Variants in LAMA2 observed in about 807,000 individuals in gnomAD.
The protein encoded by LAMA2 is laminin subunit alpha-2.
In LAMA2, 269 loss-of-function variants were observed where a neutral mutation model predicts 364.8. The observed-to-expected ratio is 0.74, with a 90% CI of 0.67 to 0.82. LAMA2 has a LOEUF of 0.82. Ranked by LOEUF, LAMA2 falls within the 40% of genes least tolerant of loss-of-function variation. The pLI, the probability that LAMA2 is intolerant of heterozygous loss-of-function variation, is 0.00. For synonymous variants in LAMA2, 1,379 were observed against 1,370.6 expected, an observed-to-expected ratio of 1.01 and a Z score of -0.14; for missense variants, 3,807 against 3,873.2, an observed-to-expected ratio of 0.98 and a Z score of 0.45.
intron 17 of LAMA2, among the ~76,000 whole-genome samples, chr6:129,276,490 G>A (rs776838795): frequency 3.6e-4 from 55 of 152,016 alleles, no homozygotes; most frequent in Non-Finnish European, 2.8e-4. Flanking sequence ...TTATTTTAGA[G>A]TATTGGATTA....
chr6:128,977,311 G>A (rs1298192919), intron 1 of LAMA2, among the ~76,000 whole-genome samples: 1 of 144,444 alleles, frequency 6.9e-6, no homozygotes, highest in East Asian at 2.0e-4. Context: ...CCAGGCTGGA[G>A]TGCAGTAGTG....
intron 12 of LAMA2, among the ~76,000 whole-genome samples, chr6:129,247,893 C>T (rs187166990): frequency 6.2e-4 from 95 of 152,226 alleles, no homozygotes; most frequent in African/African-American, 2.3e-3. Flanking sequence ...GCATGAGGAG[C>T]CCCTATTTTT....
intron 22 of LAMA2, among the ~76,000 whole-genome samples, chr6:129,310,961 G>A (rs1018122485): frequency 1.3e-5 from 2 of 152,106 alleles, no homozygotes; most frequent in African/African-American, 4.8e-5. Flanking sequence ...AGCACGCTGG[G>A]CTACTGAGAA....
Position 129,403,859 on chromosome 6 carries a change from C to T in LAMA2, c.5765C>T (p.Thr1922Ile), listed in dbSNP as rs751682186. Residue 1922 changes from threonine (T) to isoleucine (I), a missense_variant, in exon 40 of 65, where the codon ACT becomes ATT. Coordinates refer to ENST00000421865, the MANE Select transcript of LAMA2 (RefSeq NM_000426.4). ...GCTAAAAACATCTCCTTCAATGCCA[C>T]TGCAGCCTTCAAAGCTTACAGCAAT... ...DEAKNISFNA[T>I]AAFKAYSNIK... is the part of the protein sequence containing the mutation. 24 of 1,613,724 alleles carry T rather than the reference C, an allele frequency of 1.5e-5. No individual in the cohort carries two copies. Among genetic ancestry groups the T allele is most frequent in the Non-Finnish European group, 1.9e-5 (22 of 1,179,800 alleles).
intron 29 of LAMA2, 56 bp downstream of exon 29, chr6:129,328,468 T>C: frequency 6.2e-7 from 1 of 1,613,510 alleles, no homozygotes; most frequent in South Asian, 1.1e-5. Flanking sequence ...TCTTTACACA[T>C]GCTCAGCATC....
Position 129,314,777 on chromosome 6 carries a change from A to G in LAMA2, c.3534A>G (p.Ala1178=). ...CFGTTTQCSE[A]KGLIRTWVTL... Reference sequence around the variant, plus strand: ...GCACTACTACCCAGTGCTCTGAAGCAAAAGGACTGATCCGGACGTGGGTGA... The same window carrying G: ...GCACTACTACCCAGTGCTCTGAAGCGAAAGGACTGATCCGGACGTGGGTGA... Residue 1178 remains alanine, a synonymous_variant, in exon 24 of 65, where the codon GCA becomes GCG. Transcript: ENST00000421865. 6.2e-7 allele frequency: 1 copy of G among 1,614,060 alleles called. No individual in the cohort carries two copies. Among genetic ancestry groups the G allele is most frequent in the Non-Finnish European group, 8.5e-7 (1 of 1,180,006 alleles).
chr6:129,163,414 G>A (rs9492254), intron 8 of LAMA2, among the ~76,000 whole-genome samples: 49,877 of 151,748 alleles, frequency 0.33, 11,459 homozygotes, highest in African/African-American at 0.66. Flanking sequence ...CAGGCAAGTC[G>A]CTTGCGGTCA....
At chr6:129,473,751 T>A (rs957313824) in intron 52 of LAMA2, among the ~76,000 whole-genome samples, 1 of 152,044 alleles carries the variant, frequency 6.6e-6, no homozygotes, top group African/African-American at 2.4e-5. Context: ...GAGTATAACC[T>A]ATTTTATTGC....
At chr6:128,956,370 A>C (rs920043937) in intron 1 of LAMA2, among the ~76,000 whole-genome samples, 3 of 151,980 alleles carry the variant, frequency 2.0e-5, no homozygotes, top group African/African-American at 7.2e-5. Flanking sequence ...AATTTTTTTA[A>C]AAAGTTCAAG....
At chr6:128,941,812 T>C (rs1562853868) in intron 1 of LAMA2, among the ~76,000 whole-genome samples, 1 of 152,220 alleles carries the variant, frequency 6.6e-6, no homozygotes, top group Non-Finnish European at 1.5e-5. Context: ...TGGTATCTAC[T>C]GATGGTGGTT....
Position 129,492,026 on chromosome 6 carries a change from G to A in LAMA2, c.8024G>A (p.Arg2675Lys). The A allele has an allele frequency of 1.9e-6, 3 of 1,614,088 alleles. No homozygotes were observed. The highest frequency in any genetic ancestry group is 2.5e-6 in the Non-Finnish European group (3 of 1,179,982). Reference sequence around the variant, plus strand: ...CCTGAATTTCAACCTTCCCCACTCAGAAATATTCCTCCTTTTGAAGGCTGC... The same window carrying A: ...CCTGAATTTCAACCTTCCCCACTCAAAAATATTCCTCCTTTTGAAGGCTGC... The part of the protein sequence containing the change: ...APPEFQPSPL[R>K]NIPPFEGCIW... Residue 2675 changes from arginine (R) to lysine (K), a missense_variant, in exon 57 of 65, where the codon AGA becomes AAA. Coordinates refer to ENST00000421865, the MANE Select transcript of LAMA2 (RefSeq NM_000426.4).
chr6:128,911,252 A>G (rs1335029706), intron 1 of LAMA2, among the ~76,000 whole-genome samples: 1 of 152,068 alleles, frequency 6.6e-6, no homozygotes, highest in African/African-American at 2.4e-5. Context: ...GCCGCCTTGC[A>G]GTTTGATCTC....
intron 12 of LAMA2, among the ~76,000 whole-genome samples, chr6:129,244,919 A>G (rs369036336): frequency 2.0e-5 from 3 of 152,294 alleles, no homozygotes; most frequent in South Asian, 4.1e-4. Flanking sequence ...CATAGTAACT[A>G]TAATATTACT....
chr6:129,426,054 A>G (rs1193110327), intron 40 of LAMA2, among the ~76,000 whole-genome samples: 1 of 152,126 alleles, frequency 6.6e-6, no homozygotes, highest in Non-Finnish European at 1.5e-5. Context: ...GGCCTATATT[A>G]TCTTGACAAT....
At chr6:129,397,016 TAAAAG>T (rs1283673268) in intron 37 of LAMA2, among the ~76,000 whole-genome samples, 2 of 139,694 alleles carry the variant, frequency 1.4e-5, no homozygotes, top group Non-Finnish European at 3.1e-5. Flanking sequence ...AAAAAGAAAA[TAAAAG>T]AAAACAATAA....
intron 17 of LAMA2, among the ~76,000 whole-genome samples, chr6:129,272,837 T>C: frequency 6.6e-6 from 1 of 152,152 alleles, no homozygotes; most frequent in Non-Finnish European, 1.5e-5. Flanking sequence ...GGGATCTAGC[T>C]TGTATGCTCC....
intron 1 of LAMA2, among the ~76,000 whole-genome samples, chr6:128,893,574 A>G (rs1162570541): frequency 6.6e-6 from 1 of 151,944 alleles, no homozygotes; most frequent in Non-Finnish European, 1.5e-5. Flanking sequence ...TGGTATCTGA[A>G]AGTGTACATC....
At chr6:129,204,915 A>G (rs1358758221) in intron 12 of LAMA2, among the ~76,000 whole-genome samples, 1 of 152,206 alleles carries the variant, frequency 6.6e-6, no homozygotes, top group Non-Finnish European at 1.5e-5. Context: ...TGGCTCTTAA[A>G]TGTATGAAAC....
At chr6:129,180,939 G>T (rs190483542) in intron 10 of LAMA2, among the ~76,000 whole-genome samples, 1 of 151,986 alleles carries the variant, frequency 6.6e-6, no homozygotes, top group Non-Finnish European at 1.5e-5. Context: ...ACCCACAGAC[G>T]GAAATTGCAG....
Sources: allele counts gnomAD v4.1 joint callset (sites outside exome capture counted in the v4.1 genomes callset), GRCh38; gene constraint gnomAD v4.1.1; transcripts MANE v1.5; gene names NCBI Gene and HGNC (gene_info 2026-07-23, HGNC 2026-07-21).